SP100: variants seen among roughly 807,000 people sequenced by gnomAD.
SP100 encodes the protein nuclear autoantigen Sp-100.
Under a neutral mutation model 130.0 loss-of-function variants are expected in SP100, and 84 were observed. That is an observed-to-expected ratio of 0.65 (90% CI 0.54 to 0.77). The LOEUF (loss-of-function observed/expected upper bound fraction) is 0.77, where lower values mean the gene tolerates loss of function less well. Among genes scored for constraint, SP100 ranks in the 30% least tolerant of loss-of-function variants. SP100 has a pLI of 0.00. For missense variants in SP100, 978 were observed against 1,052.2 expected (o/e 0.93, Z 0.97); for synonymous variants, 331 against 351.7 (o/e 0.94, Z 0.66).
At chr2:230,478,984 C>A (rs2065699633) in intron 17 of SP100, among the ~76,000 whole-genome samples, 1 of 152,106 alleles carries the variant, frequency 6.6e-6, no homozygotes, top group South Asian at 2.1e-4. Context: ...CCATGCCTGG[C>A]TAATTTTTGT....
chr2:230,501,906 C>A (rs900100291), intron 19 of SP100, among the ~76,000 whole-genome samples: 3 of 152,110 alleles, frequency 2.0e-5, no homozygotes, highest in Admixed American at 6.5e-5. Context: ...TCTCGCTCTG[C>A]TGCCCAAGCT....
At chr2:230,417,484 G>T in intron 1 of SP100, 107 bp from the exon 2 acceptor site, 2 of 1,413,714 alleles carry the variant, frequency 1.4e-6, no homozygotes, top group Non-Finnish European at 1.9e-6. Context: ...TTCTTTTTGG[G>T]TTTTTACATC....
intron 24 of SP100, chr2:230,515,619 T>C (rs1340819602): frequency 3.1e-6 from 5 of 1,601,228 alleles, no homozygotes; most frequent in Non-Finnish European, 3.4e-6. Flanking sequence ...AGGAGGAAAA[T>C]GAAGAAGATG....
At chr2:230,541,039 C>G in intron 26 of SP100, 43 bp downstream of exon 26, 1 of 1,583,034 alleles carries the variant, frequency 6.3e-7, no homozygotes, top group Non-Finnish European at 8.6e-7. Context: ...TTTCTGTTCA[C>G]CTGGGCAGGA....
In SP100 at chr2:230,421,960, C is replaced by A. The variant is rs537974084; in HGVS notation, c.107+4295C>A. On this transcript the variant is annotated intron_variant, in intron 2 of 28. Coordinates refer to ENST00000340126, the MANE Select transcript of SP100 (RefSeq NM_001080391.2). ...CTTCTGCTTTATCTCTCTCTTTTAT[C>A]TTTTGGAATTCCTGTTAGTTGGATG... Among the ~76,000 whole-genome samples the A allele has an allele frequency of 2.6e-5, 4 of 152,124 alleles. No homozygotes were observed. The East Asian group carries it at 7.7e-4, about 29-fold the overall frequency.
At chr2:230,457,288 G>A (rs77164551) in intron 8 of SP100, among the ~76,000 whole-genome samples, 2,400 of 152,358 alleles carry the variant, frequency 0.016, 34 homozygotes, top group Admixed American at 0.028. Context: ...ATTGAAGCCA[G>A]CTTGCTGCTA....
intron 8 of SP100, among the ~76,000 whole-genome samples, chr2:230,455,254 G>A (rs1433733529): frequency 6.6e-6 from 1 of 152,048 alleles, no homozygotes; most frequent in East Asian, 1.9e-4. Context: ...TATAGAGACA[G>A]GATTGCCTTA....
At chr2:230,511,279 C>A in intron 24 of SP100, 113 bp downstream of exon 24, 1 of 811,316 alleles carries the variant, frequency 1.2e-6, no homozygotes, top group Non-Finnish European at 2.2e-6. Context: ...GAGTATGTTG[C>A]TGTGTGTGAT....
At chr2:230,542,116 G>C (rs116203305) in intron 28 of SP100, 81 bp downstream of exon 28, 35,590 of 1,455,014 alleles carry the variant, frequency 0.024, 516 homozygotes, top group Middle Eastern at 0.041. Context: ...TTCATGTCAG[G>C]TAAATGTTAC....
At chr2:230,448,279 C>T (rs1162807803) in intron 5 of SP100, among the ~76,000 whole-genome samples, 2 of 152,098 alleles carry the variant, frequency 1.3e-5, no homozygotes, top group African/African-American at 4.8e-5. Context: ...GGAAATGAAA[C>T]CGTGAAAAGG....
At position 230,447,018 on chromosome 2, in the gene SP100, A is replaced by G. The variant is rs560128913; in HGVS notation, c.523+116A>G. 1.5e-4 allele frequency: 96 copies of G among 627,290 alleles called. 1 individual carries two copies. The highest frequency in any genetic ancestry group is 1.4e-3 in the African/African-American group (75 of 53,448). 38.9% of individuals were successfully genotyped at this position (627,290 alleles called of 1,614,324 possible). ...AGGACTATGGAGAAGTCAAGGAGAG[A>G]GTTATATGAGCTTCTAACCAGGTGC... On this transcript the variant is annotated intron_variant, in intron 5 of 28. Coordinates refer to ENST00000340126, the MANE Select transcript of SP100 (RefSeq NM_001080391.2).
At chr2:230,536,408 A>G (rs777537274) in intron 24 of SP100, among the ~76,000 whole-genome samples, 20 of 152,188 alleles carry the variant, frequency 1.3e-4, no homozygotes, top group Non-Finnish European at 2.5e-4. Flanking sequence ...TTTTGAATAA[A>G]CATAGAAATT....
chr2:230,522,267 G>T (rs368028258), intron 24 of SP100, among the ~76,000 whole-genome samples: 14 of 152,052 alleles, frequency 9.2e-5, no homozygotes, highest in East Asian at 7.7e-4. Context: ...TGTGTGTGTT[G>T]ATACAGTCAT....
At position 230,541,373 on chromosome 2, in the gene SP100, G is replaced by A; in HGVS notation, c.2403+1G>A. 6.2e-7 allele frequency: 1 copy of A among 1,612,352 alleles called. No homozygotes were observed. On this transcript the variant is annotated splice_donor_variant, in intron 27 of 28. Coordinates refer to ENST00000340126, the MANE Select transcript of SP100 (RefSeq NM_001080391.2). LOFTEE classifies it high-confidence loss of function. ...CTTTTTCGCCTCAGAACCGTATTAT[G>A]TAAGTAACAGCCAAACAAAAATGCT...
chr2:230,497,616 G>C (rs1405151963), intron 18 of SP100, among the ~76,000 whole-genome samples: 1 of 146,742 alleles, frequency 6.8e-6, no homozygotes, highest in Non-Finnish European at 1.5e-5. Context: ...GGAAAGGAAA[G>C]GATCAGCACC....
At chr2:230,441,004 A>T (rs1347960072) in intron 2 of SP100, among the ~76,000 whole-genome samples, 1 of 152,148 alleles carries the variant, frequency 6.6e-6, no homozygotes, top group Admixed American at 6.5e-5. Context: ...ATTTCTTCCC[A>T]TCAAAAGACA....
At chr2:230,449,773 A>T (rs1432063545) in intron 7 of SP100, 63 bp downstream of exon 7, 1 of 1,561,758 alleles carries the variant, frequency 6.4e-7, no homozygotes, top group African/African-American at 1.4e-5. Context: ...GTGGCAGAGG[A>T]AGAGTCTAAT....
At chr2:230,525,640 G>A (rs1691386117) in intron 24 of SP100, among the ~76,000 whole-genome samples, 1 of 152,150 alleles carries the variant, frequency 6.6e-6, no homozygotes, top group Non-Finnish European at 1.5e-5. Context: ...AAGGGGTGGG[G>A]GGATTTCCCT....
chr2:230,489,791 C>T (rs2066301098), intron 17 of SP100, among the ~76,000 whole-genome samples: 1 of 152,104 alleles, frequency 6.6e-6, no homozygotes, highest in Non-Finnish European at 1.5e-5. Flanking sequence ...CATTCAGGAG[C>T]AGGTTGTTCA....
Sources: gnomAD v4.1 joint callset for allele counts (sites outside exome capture counted in the v4.1 genomes callset) on GRCh38, gnomAD v4.1.1 for gene constraint, MANE v1.5 for transcripts, NCBI Gene and HGNC (gene_info 2026-07-23, HGNC 2026-07-21) for gene names.